Variants in UBE2N observed in about 807,000 individuals in gnomAD.
UBE2N encodes the protein ubiquitin-conjugating enzyme E2 N.
For synonymous variants in UBE2N, 70 were observed against 69.2 expected (o/e 1.01, Z -0.06); for missense variants, 60 against 192.1 (o/e 0.31, Z 4.07).
Position 93,410,857 on chromosome 12 carries a change from G to T in UBE2N, c.295C>A (p.Leu99Met), listed in dbSNP as rs376366033. The T allele has an allele frequency of 6.2e-7, 1 of 1,614,208 alleles. No individual in the cohort carries two copies. The highest frequency in any genetic ancestry group is 1.7e-5 in the Admixed American group (1 of 60,028). The change falls in exon 3 of 4, where the codon CTG becomes ATG. Residue 99 changes from leucine (L) to methionine (M), a missense_variant. By Grantham distance (15) the Leu-to-Met change is conservative. Coordinates refer to ENST00000318066, the MANE Select transcript of UBE2N (RefSeq NM_003348.4). ...GATAGCAGAACTGTGCGGATCTGCA[G>T]TGCTGGGGACCACTTATCTATGAAG... Reference protein sequence around the residue: ...DILKDKWSPALQIRTVLLSIQ... With the variant: ...DILKDKWSPAMQIRTVLLSIQ...
intron 1 of UBE2N, among the ~76,000 whole-genome samples, chr12:93,426,794 C>A (rs1349833993): frequency 1.3e-5 from 2 of 152,132 alleles, no homozygotes; most frequent in Admixed American, 6.5e-5. Context: ...TAGTTTAAGT[C>A]TGCAGATAAG....
intron 1 of UBE2N, among the ~76,000 whole-genome samples, chr12:93,435,827 T>A (rs1878917616): frequency 6.6e-6 from 1 of 152,092 alleles, no homozygotes; most frequent in Non-Finnish European, 1.5e-5. Context: ...TGAGGCTAAA[T>A]CACACCAAAT....
chr12:93,435,622 G>A lies in UBE2N; in HGVS notation c.30+6233C>T, dbSNP rs973249573. On this transcript the variant is annotated intron_variant, in intron 1 of 3. Transcript: ENST00000318066. The stretch of plus-strand genomic sequence containing the variant: ...GGCTGGGCAACAAAGCAAGACTCCC[G>A]TCTCAAATAAATAAAAGGTGAGTTT... Among the ~76,000 whole-genome samples the A allele has an allele frequency of 3.3e-5, 5 of 152,122 alleles. No individual in the cohort carries two copies. In the South Asian group the frequency reaches 6.2e-4, roughly 19 times the overall value.
rs1877962126 is a variant in UBE2N, at chr12:93,409,311, G to C, written c.*728C>G. Reference sequence around the variant, plus strand: ...AATTTTAAAATACGATTGTCAAATTGGGAAAATGAAATAAACACAGTAAAA... The same window carrying C: ...AATTTTAAAATACGATTGTCAAATTCGGAAAATGAAATAAACACAGTAAAA... On this transcript the variant is annotated 3_prime_UTR_variant, in exon 4 of 4. Coordinates refer to ENST00000318066, the MANE Select transcript of UBE2N (RefSeq NM_003348.4). The C allele has an allele frequency of 6.4e-6, 1 of 156,812 alleles. No homozygotes were observed. The highest frequency in any genetic ancestry group is 6.5e-5 in the Admixed American group (1 of 15,282). 9.7% of individuals were successfully genotyped at this position (156,812 alleles called of 1,614,324 possible).
At chr12:93,435,953 T>G (rs758682737) in intron 1 of UBE2N, among the ~76,000 whole-genome samples, 3 of 152,072 alleles carry the variant, frequency 2.0e-5, no homozygotes, top group Non-Finnish European at 2.9e-5. Context: ...AAGGGACCAG[T>G]GGGGAAGGGA....
chr12:93,422,573 T>C (rs1365535211), intron 1 of UBE2N, among the ~76,000 whole-genome samples: 2 of 152,218 alleles, frequency 1.3e-5, no homozygotes, highest in Non-Finnish European at 1.5e-5. Flanking sequence ...AATGTTCTTC[T>C]GTATTCATCT....
At chr12:93,418,700 G>GT (rs761603446) in intron 1 of UBE2N, among the ~76,000 whole-genome samples, 3 of 151,628 alleles carry the variant, frequency 2.0e-5, no homozygotes, top group Admixed American at 6.6e-5. Flanking sequence ...TACAAGCCAC[G>GT]TAAGTATTTA....
chr12:93,428,444 T>G (rs574440068), intron 1 of UBE2N, among the ~76,000 whole-genome samples: 1 of 152,300 alleles, frequency 6.6e-6, no homozygotes, highest in South Asian at 2.1e-4. Flanking sequence ...TATCATCCTC[T>G]AAAAACCTTT....
chr12:93,414,305 T>C (rs1310755850), intron 1 of UBE2N, among the ~76,000 whole-genome samples: 6 of 142,834 alleles, frequency 4.2e-5, no homozygotes, highest in Middle Eastern at 4.5e-3. Flanking sequence ...TAAAATTAGC[T>C]AGGCATGGTG....
intron 1 of UBE2N, among the ~76,000 whole-genome samples, chr12:93,426,642 T>A (rs992997120): frequency 6.6e-6 from 1 of 152,108 alleles, no homozygotes; most frequent in African/African-American, 2.4e-5. Context: ...TCCCTATCTA[T>A]CCTGGGCTGG....
Position 93,410,066 on chromosome 12 carries a change from A to G in UBE2N, c.432T>C (p.Thr144=). Residue 144 remains threonine (T), a synonymous_variant, in exon 4 of 4, where the codon ACT becomes ACC. Transcript: ENST00000318066. ...AAATATTATTCATGGCATATAGCCT[A>G]GTCCATGCTCTAGCTGTAGACAGAA... ...AQAIETARAW[T]RLYAMNNI 1.9e-6 allele frequency: 3 copies of G among 1,613,552 alleles called. No homozygotes were observed. The highest frequency in any genetic ancestry group is 2.5e-6 in the Non-Finnish European group (3 of 1,179,788).
intron 1 of UBE2N, among the ~76,000 whole-genome samples, chr12:93,418,764 T>G (rs1262398166): frequency 6.6e-6 from 1 of 152,238 alleles, no homozygotes; most frequent in Non-Finnish European, 1.5e-5. Context: ...AAAATTAATT[T>G]TAATATATTT....
At chr12:93,411,987 C>A (rs564532136) in intron 1 of UBE2N, among the ~76,000 whole-genome samples, 1 of 152,046 alleles carries the variant, frequency 6.6e-6, no homozygotes, top group Non-Finnish European at 1.5e-5. Flanking sequence ...CCAACACACT[C>A]GGCCAAAAAT....
Position 93,406,945 on chromosome 12 carries a change from A to C in UBE2N, c.*3094T>G, listed in dbSNP as rs1488122903. 6.6e-6 allele frequency: 1 copy of C among 152,268 alleles called. No individual in the cohort carries two copies. Among genetic ancestry groups the C allele is most frequent in the Non-Finnish European group, 1.5e-5 (1 of 68,050 alleles). 9.4% of individuals were successfully genotyped at this position (152,268 alleles called of 1,614,324 possible). On this transcript the variant is annotated 3_prime_UTR_variant, in exon 4 of 4. Transcript: ENST00000318066. ...GAAGCAAATCGCAGCGAAGTAGACT[A>C]CAACAATCAAGTCAAAAAACATAAA...
intron 3 of UBE2N, 160 bp from the exon 4 acceptor site, chr12:93,410,239 T>A (rs1877994032): frequency 1.6e-6 from 1 of 625,676 alleles, no homozygotes; most frequent in Non-Finnish European, 2.6e-6. Flanking sequence ...GCTGAAAGAT[T>A]TTGTAAATGT....
intron 1 of UBE2N, among the ~76,000 whole-genome samples, chr12:93,438,906 G>A (rs1426550990): frequency 6.6e-6 from 1 of 152,168 alleles, no homozygotes; most frequent in Non-Finnish European, 1.5e-5. Flanking sequence ...AGTAACAAGA[G>A]ACAGGGGAAT....
intron 1 of UBE2N, among the ~76,000 whole-genome samples, chr12:93,431,745 G>A (rs1342398613): frequency 6.6e-6 from 1 of 152,050 alleles, no homozygotes; most frequent in East Asian, 1.9e-4. Context: ...CCAACTCTTT[G>A]AACACAGTCA....
intron 1 of UBE2N, among the ~76,000 whole-genome samples, chr12:93,433,303 G>A (rs1878825834): frequency 6.6e-6 from 1 of 152,092 alleles, no homozygotes; most frequent in Non-Finnish European, 1.5e-5. Flanking sequence ...TAATAATGAA[G>A]TATTTCTGTT....
At chr12:93,425,348 G>A (rs1878548867) in intron 1 of UBE2N, among the ~76,000 whole-genome samples, 1 of 152,134 alleles carries the variant, frequency 6.6e-6, no homozygotes, top group African/African-American at 2.4e-5. Flanking sequence ...CATTATTTTA[G>A]TCATGAAAAG....
Sources: gnomAD v4.1 joint callset for allele counts (sites outside exome capture counted in the v4.1 genomes callset) on GRCh38, gnomAD v4.1.1 for gene constraint, MANE v1.5 for transcripts, NCBI Gene and HGNC (gene_info 2026-07-23, HGNC 2026-07-21) for gene names.